The following ZFPM2 variants were observed in gnomAD, a reference collection of about 807,000 sequenced individuals.
ZFPM2 encodes the protein zinc finger protein ZFPM2.
ZFPM2 carries 20 observed loss-of-function variants against 98.6 expected under a neutral mutation model. The ratio of observed to expected loss-of-function variants is 0.20; its 90% CI spans 0.14 to 0.29. ZFPM2 has a LOEUF of 0.29. ZFPM2 is among the 10% of genes least tolerant of loss of function. ZFPM2 has a pLI of 1.00. For synonymous variants in ZFPM2, 518 were observed against 502.7 expected, an observed-to-expected ratio of 1.03 and a Z score of -0.41; for missense variants, 1,310 against 1,388.6, an observed-to-expected ratio of 0.94 and a Z score of 0.90.
intron 3 of ZFPM2, among the ~76,000 whole-genome samples, chr8:105,454,310 G>T (rs1163301001): frequency 7.9e-5 from 12 of 152,072 alleles, no homozygotes; most frequent in Non-Finnish European, 1.5e-5. Context: ...CACATTTCTT[G>T]TAAATTGGTT....
intron 1 of ZFPM2, among the ~76,000 whole-genome samples, chr8:105,379,350 G>T (rs1376577194): frequency 6.6e-6 from 1 of 152,148 alleles, no homozygotes; most frequent in Non-Finnish European, 1.5e-5. Context: ...TAATTGGAAT[G>T]CAATTAGAAT....
In ZFPM2 at chr8:105,499,370, C is replaced by T. The variant is rs1439427912; in HGVS notation, c.301+54989C>T. 4.0e-5 allele frequency among the ~76,000 whole-genome samples: 6 copies of T among 150,676 alleles called. No homozygotes were observed. The East Asian group carries it at 1.2e-3, about 29-fold the overall frequency. On this transcript the variant is annotated intron_variant, in intron 3 of 7. Transcript: ENST00000407775. ...TGTAATCCAAAACAAAACAAACAAA[C>T]AAAAGAAACCTAGAAAAGGTGGAAT...
intron 1 of ZFPM2, among the ~76,000 whole-genome samples, chr8:105,394,366 G>T (rs1811180820): frequency 6.6e-6 from 1 of 152,108 alleles, no homozygotes; most frequent in East Asian, 1.9e-4. Context: ...CTGTGGAAAT[G>T]TATCACTTTT....
At chr8:105,425,312 G>C (rs1811885795) in intron 2 of ZFPM2, among the ~76,000 whole-genome samples, 1 of 152,166 alleles carries the variant, frequency 6.6e-6, no homozygotes, top group Non-Finnish European at 1.5e-5. Context: ...AGGTTAAGCA[G>C]GAAACTGAAA....
intron 3 of ZFPM2, among the ~76,000 whole-genome samples, chr8:105,447,555 G>A (rs1334283414): frequency 2.0e-5 from 3 of 152,012 alleles, no homozygotes; most frequent in South Asian, 2.1e-4. Context: ...GAGTTTAGCC[G>A]CAAATTATTG....
chr8:105,358,242 G>A (rs1372793704), intron 1 of ZFPM2, among the ~76,000 whole-genome samples: 1 of 151,440 alleles, frequency 6.6e-6, no homozygotes, highest in Non-Finnish European at 1.5e-5. Flanking sequence ...GTTACAAAGG[G>A]ATCCCAAGAT....
At chr8:105,736,050 C>A (rs1484443803) in intron 5 of ZFPM2, among the ~76,000 whole-genome samples, 2 of 151,930 alleles carry the variant, frequency 1.3e-5, no homozygotes. Context: ...ACTTGATTTA[C>A]CTTTTTATTG....
intron 4 of ZFPM2, among the ~76,000 whole-genome samples, chr8:105,566,912 T>A (rs1037037506): frequency 4.6e-5 from 7 of 152,132 alleles, no homozygotes; most frequent in Non-Finnish European, 8.8e-5. Flanking sequence ...ATACTGAATT[T>A]TTTTTAAAAA....
At chr8:105,746,404 T>G (rs539036912) in intron 5 of ZFPM2, among the ~76,000 whole-genome samples, 1 of 152,250 alleles carries the variant, frequency 6.6e-6, no homozygotes, top group African/African-American at 2.4e-5. Flanking sequence ...TAAATTTGAT[T>G]GTTTCAATTG....
At chr8:105,800,402 GACTATATTAGTGT>G (rs1363856171) in intron 7 of ZFPM2, among the ~76,000 whole-genome samples, 1 of 147,850 alleles carries the variant, frequency 6.8e-6, no homozygotes, top group African/African-American at 2.7e-5. Context: ...AATGCAAAAT[GACTATATTAGTGT>G]ACTGGTAGAC....
At chr8:105,378,419 CT>C (rs1326341906) in intron 1 of ZFPM2, among the ~76,000 whole-genome samples, 4 of 152,148 alleles carry the variant, frequency 2.6e-5, no homozygotes, top group African/African-American at 4.8e-5. Flanking sequence ...GGTTTTGCCC[CT>C]ATCTGTAATG....
intron 4 of ZFPM2, among the ~76,000 whole-genome samples, chr8:105,562,151 C>CA (rs952033223): frequency 2.7e-5 from 4 of 149,772 alleles, no homozygotes; most frequent in Admixed American, 6.7e-5. Flanking sequence ...ACTAAAAATA[C>CA]AAAAAAAAAT....
intron 3 of ZFPM2, among the ~76,000 whole-genome samples, chr8:105,543,361 C>T (rs748868691): frequency 5.3e-5 from 8 of 152,132 alleles, no homozygotes; most frequent in Non-Finnish European, 1.0e-4. Flanking sequence ...TGGCCCACAC[C>T]TGTGGTCCCA....
chr8:105,560,626 T>C (rs7008006), intron 3 of ZFPM2, among the ~76,000 whole-genome samples: 101,335 of 149,728 alleles, frequency 0.68, 35,868 homozygotes, highest in African/African-American at 0.91. Flanking sequence ...TTGTATATTA[T>C]TCCATTCATT....
intron 4 of ZFPM2, among the ~76,000 whole-genome samples, chr8:105,625,981 AAAG>A (rs1325269136): frequency 6.6e-6 from 1 of 151,832 alleles, no homozygotes; most frequent in Non-Finnish European, 1.5e-5. Flanking sequence ...GAAAAAAAAA[AAAG>A]AGAAAGAAAG....
At chr8:105,604,515 G>A (rs763763553) in intron 4 of ZFPM2, among the ~76,000 whole-genome samples, 6 of 152,130 alleles carry the variant, frequency 3.9e-5, no homozygotes, top group Admixed American at 6.6e-5. Flanking sequence ...AACCTTTTCC[G>A]TGGTCTCCAT....
At chr8:105,714,425 A>G (rs1811471794) in intron 5 of ZFPM2, among the ~76,000 whole-genome samples, 1 of 152,002 alleles carries the variant, frequency 6.6e-6, no homozygotes, top group Non-Finnish European at 1.5e-5. Context: ...AAATAGTTTG[A>G]CTTTCTCCTA....
chr8:105,547,355 C>G (rs1271299427), intron 3 of ZFPM2, among the ~76,000 whole-genome samples: 1 of 151,490 alleles, frequency 6.6e-6, no homozygotes, highest in African/African-American at 2.4e-5. Flanking sequence ...CCAGCCTGGC[C>G]CACATGGTGA....
At chr8:105,450,476 G>A (rs2130249833) in intron 3 of ZFPM2, among the ~76,000 whole-genome samples, 1 of 152,254 alleles carries the variant, frequency 6.6e-6, no homozygotes, top group Middle Eastern at 3.4e-3. Context: ...AATATTGTGA[G>A]AAGCGGAGGA....
Sources: gnomAD v4.1 joint callset for allele counts (sites outside exome capture counted in the v4.1 genomes callset) on GRCh38, gnomAD v4.1.1 for gene constraint, MANE v1.5 for transcripts, NCBI Gene and HGNC (gene_info 2026-07-23, HGNC 2026-07-21) for gene names.